Variants in SART1 observed in about 807,000 individuals in gnomAD.
SART1 encodes U4/U6.U5 tri-snRNP-associated protein 1.
A neutral mutation model predicts 105.0 loss-of-function variants in SART1; 28 were observed. That is an observed-to-expected ratio of 0.27 (90% CI 0.20 to 0.37). The LOEUF is 0.37. SART1 is among the 10% of genes least tolerant of loss of function. The pLI is 1.00. For synonymous variants in SART1, 472 were observed against 462.9 expected, an observed-to-expected ratio of 1.02 and a Z score of -0.25; for missense variants, 894 against 1,106.5, an observed-to-expected ratio of 0.81 and a Z score of 2.72.
chr11:65,963,996 G>C (rs1348604746), intron 1 of SART1, 78 bp from the exon 2 acceptor site: 1 of 1,328,642 alleles, frequency 7.5e-7, no homozygotes, highest in African/African-American at 1.5e-5. Flanking sequence ...CCTCATTTTT[G>C]TTCCTGCAGC....
intron 12 of SART1, among the ~76,000 whole-genome samples, chr11:65,968,827 A>G (rs914232613): frequency 6.6e-6 from 1 of 152,142 alleles, no homozygotes; most frequent in Non-Finnish European, 1.5e-5. Flanking sequence ...CCTTGACCCC[A>G]TGGTCGTCGC....
At chr11:65,977,126 C>T (rs7952056) in intron 15 of SART1, 25 bp downstream of exon 15, 518,737 of 1,562,374 alleles carry the variant, frequency 0.33, 88,950 homozygotes, top group Non-Finnish European at 0.35. Context: ...GCAGCCATGA[C>T]TTGGGTGGGC....
At chr11:65,967,067 C>T (rs1053664406) in intron 9 of SART1, among the ~76,000 whole-genome samples, 192 bp from the exon 10 acceptor site, 12 of 152,256 alleles carry the variant, frequency 7.9e-5, no homozygotes, top group African/African-American at 2.9e-4. Context: ...TACTTAACCT[C>T]CCTGTGCCCC....
At chr11:65,963,509 T>C (rs1855186688) in intron 1 of SART1, among the ~76,000 whole-genome samples, 1 of 151,602 alleles carries the variant, frequency 6.6e-6, no homozygotes, top group Non-Finnish European at 1.5e-5. Flanking sequence ...TGAGACAAAG[T>C]CTTGCTCCAT....
At position 65,978,567 on chromosome 11, in the gene SART1, C is replaced by T; in HGVS notation, c.2173-33C>T. 6.5e-7 allele frequency: 1 copy of T among 1,548,822 alleles called. No homozygotes were observed. Among genetic ancestry groups the T allele is most frequent in the African/African-American group, 1.4e-5 (1 of 73,110 alleles). On this transcript the variant is annotated intron_variant, in intron 17 of 19. Transcript: ENST00000312397. This position sits in a 1 kb window ranked among gnomAD's most constrained non-coding sequence, Gnocchi z 6.8. ...CAGGTGGCTCCGGCCCCACCCAGGG[C>T]CCTGCATCTCCTCTCATGCCCCGCG...
In SART1 at chr11:65,961,904, A is replaced by G. The variant is rs1318945085; in HGVS notation, c.124A>G (p.Ser42Gly). Residue 42 changes from serine (S) to glycine (G), a missense_variant, in exon 1 of 20, where the codon AGT (serine) becomes GGT (glycine). Physicochemically the swap from Ser to Gly is moderately conservative, Grantham distance 56. Around this residue, in one of 2 missense-constraint regions of SART1, gnomAD observed 712 missense variants for 778.2 expected, o/e 0.91. Coordinates refer to ENST00000312397, the MANE Select transcript of SART1 (RefSeq NM_005146.5). ...HREHKKHKHR[S>G]GGSGGSGGER... ...GGAACACAAAAAACACAAGCACCGG[A>G]GTGGCGGCAGTGGCGGTAGCGGTGG... is the stretch of plus-strand genomic sequence containing the variant. 1 of 1,536,774 alleles carries G rather than the reference A, an allele frequency of 6.5e-7. No homozygotes were observed. The highest frequency in any genetic ancestry group is 8.8e-7 in the Non-Finnish European group (1 of 1,137,458).
chr11:65,970,768 G>A (rs1225557365), intron 12 of SART1, among the ~76,000 whole-genome samples: 1 of 145,160 alleles, frequency 6.9e-6, no homozygotes, highest in African/African-American at 2.6e-5. Context: ...CTGAGGAGGG[G>A]GATGGTGGAA....
rs1273436434 is a variant in SART1 at position 65,967,264 on chromosome 11, C to T, written c.1194C>T (p.Thr398=). The change falls in exon 10 of 20, where the codon ACC becomes ACT. Residue 398 remains threonine (T), a synonymous_variant. Coordinates refer to ENST00000312397, the MANE Select transcript of SART1 (RefSeq NM_005146.5). ...CTCGCCCCTCTTCCCTTAAGGTGAC[C>T]TTTAAAAAGACCAAGCGGAGGGTGA... is the stretch of plus-strand genomic sequence containing the variant. ...SEYLTPEEMV[T]FKKTKRRVKK... 2 of 1,613,966 alleles carry T rather than the reference C, an allele frequency of 1.2e-6. No individual in the cohort carries two copies. Among genetic ancestry groups the T allele is most frequent in the Admixed American group, 1.7e-5 (1 of 59,998 alleles).
Position 65,965,973 on chromosome 11 carries a change from C to T in SART1, c.825C>T (p.Thr275=), listed in dbSNP as rs780901269. 8.1e-6 allele frequency: 13 copies of T among 1,613,952 alleles called. No individual in the cohort carries two copies. The highest frequency in any genetic ancestry group is 1.3e-5 in the African/African-American group (1 of 74,910). Residue 275 remains threonine, a synonymous_variant, in exon 7 of 20, where the codon ACC becomes ACT. Transcript: ENST00000312397. ...SFREGETMIL[T]LKDKGVLQEE... ...GAGAAGGGGAGACAATGATTCTTACCCTCAAGGACAAAGGTAATGCGAGCT... is the reference window on the plus strand; with the variant it reads ...GAGAAGGGGAGACAATGATTCTTACTCTCAAGGACAAAGGTAATGCGAGCT...
chr11:65,979,291 TGATA>T lies in SART1; in HGVS notation c.*264_*267del. The stretch of plus-strand genomic sequence containing the variant: ...TCACACCTCTGCAGGGCCGGCTCTC[TGATA>T]GAAAGTGGAAGGCGGTTTTAGAAAC... On this transcript the variant is annotated 3_prime_UTR_variant, in exon 20 of 20. Coordinates refer to ENST00000312397, the MANE Select transcript of SART1 (RefSeq NM_005146.5). 2 of 588,568 alleles carry T rather than the reference TGATA, an allele frequency of 3.4e-6. No homozygotes were observed. Among genetic ancestry groups the T allele is most frequent in the Non-Finnish European group, 6.0e-6 (2 of 331,266 alleles). 36.5% of individuals were successfully genotyped at this position (588,568 alleles called of 1,614,324 possible).
chr11:65,964,330 C>T, intron 2 of SART1, 185 bp from the exon 3 acceptor site: 1 of 842,312 alleles, frequency 1.2e-6, no homozygotes, highest in South Asian at 1.5e-5. Context: ...TAGACGCAGA[C>T]CAGGCTGGTG....
chr11:65,970,599 GC>G lies in SART1; in HGVS notation c.1572+2779del, dbSNP rs1855354662. ...GTGACCTTGTTTAGGGGAAGTCAAG[GC>G]AGCCCATGGCCGATTGTTCTGGTGT... On this transcript the variant is annotated intron_variant, in intron 12 of 19. Transcript: ENST00000312397. Among the ~76,000 whole-genome samples the G allele has an allele frequency of 2.8e-5, 4 of 143,092 alleles. No homozygotes were observed. In the South Asian group the frequency reaches 9.2e-4, roughly 33 times the overall value. 93.9% of individuals were successfully genotyped at this position (143,092 alleles called of 152,430 possible).
At position 65,976,383 on chromosome 11, in the gene SART1, T is replaced by C. The variant is rs745841160; in HGVS notation, c.1573-12T>C. The stretch of plus-strand genomic sequence containing the variant: ...AACTGCTGGGTTTGCCCACAGCCGC[T>C]CCCTCCCCCAGGTGGTGGAGATTGT... On this transcript the variant is annotated splice_polypyrimidine_tract_variant and intron_variant, in intron 12 of 19. Transcript: ENST00000312397. This position sits in a 1 kb window ranked among gnomAD's most constrained non-coding sequence, Gnocchi z 5.1. The C allele has an allele frequency of 2.6e-6, 4 of 1,522,872 alleles. No homozygotes were observed. In the South Asian group the frequency reaches 4.0e-5, roughly 15 times the overall value. The allele number at this position is 1,522,872 out of a possible 1,614,324, so 94.3% of individuals were successfully genotyped here.
In SART1 at chr11:65,972,738, A is replaced by G. The variant is rs1855402871; in HGVS notation, c.1573-3657A>G. 2.0e-5 allele frequency among the ~76,000 whole-genome samples: 3 copies of G among 151,994 alleles called. No homozygotes were observed. The South Asian group carries it at 6.2e-4, about 32-fold the overall frequency. On this transcript the variant is annotated intron_variant, in intron 12 of 19. Coordinates refer to ENST00000312397, the MANE Select transcript of SART1 (RefSeq NM_005146.5). ...GCTATGATAGACTATAGCTGACTATATCACAGATAGCTATGATAGCCTGGG... is the reference window on the plus strand; with the variant it reads ...GCTATGATAGACTATAGCTGACTATGTCACAGATAGCTATGATAGCCTGGG...
intron 1 of SART1, among the ~76,000 whole-genome samples, chr11:65,962,415 TC>T (rs1287626190): frequency 6.6e-6 from 1 of 152,242 alleles, no homozygotes; most frequent in East Asian, 1.9e-4. Context: ...GCTTCTGTTT[TC>T]CTCAGTTGTC....
chr11:65,964,486 C>G lies in SART1; in HGVS notation c.372-29C>G, dbSNP rs565308684. On this transcript the variant is annotated intron_variant, in intron 2 of 19. Transcript: ENST00000312397. The stretch of plus-strand genomic sequence containing the variant: ...ACATGGCACCCTGTGTCTTTAATAG[C>G]CCCTAACACTTGTATCTCTTGTTGT... The G allele has an allele frequency of 3.1e-6, 5 of 1,612,792 alleles. No individual in the cohort carries two copies. The African/African-American group carries it at 5.3e-5, about 17-fold the overall frequency.
chr11:65,975,924 G>A (rs1280391727), intron 12 of SART1, among the ~76,000 whole-genome samples: 4 of 152,096 alleles, frequency 2.6e-5, no homozygotes, highest in African/African-American at 4.8e-5. Context: ...CCCATGTCAC[G>A]GAACCTGCTT....
At chr11:65,965,633 A>G in intron 5 of SART1, 69 bp from the exon 6 acceptor site, 2 of 1,511,992 alleles carry the variant, frequency 1.3e-6, no homozygotes, top group East Asian at 4.5e-5. Context: ...TCCGCTTGGT[A>G]GAGCCCTGAG....
chr11:65,978,945 G>A lies in SART1; in HGVS notation c.2384+31G>A. On this transcript the variant is annotated intron_variant, in intron 19 of 19. Coordinates refer to ENST00000312397, the MANE Select transcript of SART1 (RefSeq NM_005146.5). The surrounding 1 kb of genome is among the most constrained non-coding windows in gnomAD (Gnocchi z 6.8). ...TGGCTCGAGGCTGGTGGGGTAGGGTGTGGTGGGGAGGGGTGGCGTGGCCTG... is the reference window on the plus strand; with the variant it reads ...TGGCTCGAGGCTGGTGGGGTAGGGTATGGTGGGGAGGGGTGGCGTGGCCTG... The A allele has an allele frequency of 1.2e-6, 2 of 1,613,556 alleles. No homozygotes were observed. The highest frequency in any genetic ancestry group is 1.7e-6 in the Non-Finnish European group (2 of 1,179,888).
Sources: allele counts gnomAD v4.1 joint callset (sites outside exome capture counted in the v4.1 genomes callset), GRCh38; gene constraint gnomAD v4.1.1; regional missense constraint gnomAD v4.1.1; non-coding constraint Gnocchi (gnomAD v3.1); transcripts MANE v1.5; gene names NCBI Gene and HGNC (gene_info 2026-07-23, HGNC 2026-07-21).